Variants in NLGN1 observed in about 807,000 individuals in gnomAD.
NLGN1 encodes neuroligin 1, also known as neuroligin-1.
A neutral mutation model predicts 65.5 loss-of-function variants in NLGN1; 12 were observed. The ratio of observed to expected loss-of-function variants is 0.18; its 90% CI spans 0.12 to 0.30. The LOEUF (loss-of-function observed/expected upper bound fraction) is 0.30. Among genes scored for constraint, NLGN1 ranks in the 10% least tolerant of loss-of-function variants. The probability of loss-of-function intolerance (pLI) is 1.00; values close to 1 mark genes in which losing one functional copy is unlikely to be tolerated. For missense variants in NLGN1, 750 were observed against 1,007.1 expected, an observed-to-expected ratio of 0.74 and a Z score of 3.46; for synonymous variants, 350 against 359.5, an observed-to-expected ratio of 0.97 and a Z score of 0.30.
chr3:174,189,744 ATC>A (rs1732046329), intron 4 of NLGN1, among the ~76,000 whole-genome samples: 1 of 151,924 alleles, frequency 6.6e-6, no homozygotes, highest in Non-Finnish European at 1.5e-5. Flanking sequence ...AATGTAATAT[ATC>A]AAACAATAAC....
At chr3:173,834,637 G>A (rs1020797711) in intron 4 of NLGN1, among the ~76,000 whole-genome samples, 1 of 152,076 alleles carries the variant, frequency 6.6e-6, no homozygotes, top group Non-Finnish European at 1.5e-5. Context: ...TATGCTACAA[G>A]CTTTACACAT....
intron 4 of NLGN1, among the ~76,000 whole-genome samples, chr3:174,219,452 G>A (rs1159904189): frequency 1.3e-5 from 2 of 152,104 alleles, no homozygotes; most frequent in Non-Finnish European, 2.9e-5. Context: ...AATCACAGGG[G>A]TTGCTTGCTA....
intron 2 of NLGN1, among the ~76,000 whole-genome samples, chr3:173,471,077 A>G (rs1416745102): frequency 6.6e-6 from 1 of 152,108 alleles, no homozygotes; most frequent in Non-Finnish European, 1.5e-5. Context: ...GTTGATCTCC[A>G]GAAAACAACA....
intron 4 of NLGN1, among the ~76,000 whole-genome samples, chr3:174,177,712 C>T (rs1260019417): frequency 1.3e-5 from 2 of 152,004 alleles, no homozygotes; most frequent in Non-Finnish European, 2.9e-5. Context: ...ATTATATATG[C>T]ATATAGTCAA....
At chr3:173,740,840 G>A (rs1014771771) in intron 3 of NLGN1, among the ~76,000 whole-genome samples, 6 of 152,066 alleles carry the variant, frequency 3.9e-5, no homozygotes, top group Non-Finnish European at 8.8e-5. Flanking sequence ...AAAGCCATGC[G>A]TAAGGTGGAG....
At chr3:174,219,753 G>A (rs1026816857) in intron 4 of NLGN1, among the ~76,000 whole-genome samples, 2 of 152,162 alleles carry the variant, frequency 1.3e-5, no homozygotes, top group Non-Finnish European at 2.9e-5. Context: ...GTTCATTGAT[G>A]TGAATGGTTA....
chr3:173,440,862 C>T (rs546493568), intron 2 of NLGN1, among the ~76,000 whole-genome samples: 2 of 152,244 alleles, frequency 1.3e-5, no homozygotes, highest in South Asian at 2.1e-4. Context: ...CTTTTGAAGC[C>T]TGCAAGCCAG....
intron 4 of NLGN1, among the ~76,000 whole-genome samples, chr3:173,927,211 A>C (rs1743166222): frequency 6.6e-6 from 1 of 151,924 alleles, no homozygotes; most frequent in Non-Finnish European, 1.5e-5. Context: ...TTACAGGTGC[A>C]TGTCTCCACG....
At chr3:173,663,631 T>C (rs562261502) in intron 3 of NLGN1, among the ~76,000 whole-genome samples, 1 of 152,012 alleles carries the variant, frequency 6.6e-6, no homozygotes, top group African/African-American at 2.4e-5. Context: ...CACCCACAAA[T>C]GAATCAGAAA....
chr3:173,770,755 T>A (rs1177393766), intron 3 of NLGN1, among the ~76,000 whole-genome samples: 5 of 152,026 alleles, frequency 3.3e-5, no homozygotes, highest in Non-Finnish European at 5.9e-5. Context: ...AAAATGGCAG[T>A]GTGCATCCCA....
At chr3:173,900,917 C>A (rs936505965) in intron 4 of NLGN1, among the ~76,000 whole-genome samples, 1 of 151,934 alleles carries the variant, frequency 6.6e-6, no homozygotes, top group Non-Finnish European at 1.5e-5. Context: ...TATGAAATGA[C>A]GTTTTCAAGG....
chr3:173,935,634 TC>T (rs1340005268), intron 4 of NLGN1, among the ~76,000 whole-genome samples: 6 of 149,976 alleles, frequency 4.0e-5, no homozygotes, highest in African/African-American at 1.5e-4. Context: ...TCTCTCTCTC[TC>T]TCTCTCTCTC....
At chr3:173,533,766 G>A (rs182153273) in intron 2 of NLGN1, among the ~76,000 whole-genome samples, 355 of 152,226 alleles carry the variant, frequency 2.3e-3, no homozygotes, top group African/African-American at 8.4e-3. Context: ...GGCAGCTCTC[G>A]AGCTCAGAAG....
At chr3:173,924,622 CAA>C (rs538515565) in intron 4 of NLGN1, among the ~76,000 whole-genome samples, 1 of 128,678 alleles carries the variant, frequency 7.8e-6, no homozygotes. Flanking sequence ...AACCCTGTCT[CAA>C]AAAAAAAAAT....
intron 4 of NLGN1, among the ~76,000 whole-genome samples, chr3:174,235,109 C>T (rs767042670): frequency 6.2e-5 from 9 of 145,420 alleles, no homozygotes; most frequent in Non-Finnish European, 1.0e-4. Flanking sequence ...CCTGCATTCT[C>T]TTAACTTTGC....
intron 1 of NLGN1, among the ~76,000 whole-genome samples, chr3:173,421,697 T>G: frequency 6.6e-6 from 1 of 151,688 alleles, no homozygotes; most frequent in Non-Finnish European, 1.5e-5. Flanking sequence ...ATTTTGTATT[T>G]TTTGTAGAGA....
At chr3:173,493,791 A>G (rs1000385197) in intron 2 of NLGN1, among the ~76,000 whole-genome samples, 1 of 151,878 alleles carries the variant, frequency 6.6e-6, no homozygotes, top group Non-Finnish European at 1.5e-5. Flanking sequence ...ACAAATACAC[A>G]TAGAAAAAGA....
chr3:173,901,384 T>C (rs1560590943), intron 4 of NLGN1, among the ~76,000 whole-genome samples: 1 of 150,716 alleles, frequency 6.6e-6, no homozygotes, highest in Non-Finnish European at 1.5e-5. Flanking sequence ...TGTGTGTGTG[T>C]GTTTAAAAAC....
intron 3 of NLGN1, among the ~76,000 whole-genome samples, chr3:173,774,671 G>T (rs2150284952): frequency 6.6e-6 from 1 of 152,196 alleles, no homozygotes; most frequent in East Asian, 1.9e-4. Context: ...TTTTGTTAAA[G>T]ATTTCTTTGT....
Sources: allele counts gnomAD v4.1 joint callset (sites outside exome capture counted in the v4.1 genomes callset), GRCh38; gene constraint gnomAD v4.1.1; transcripts MANE v1.5; gene names NCBI Gene and HGNC (gene_info 2026-07-23, HGNC 2026-07-21).